The following CFAP299 variants were observed in gnomAD, a reference collection of about 807,000 sequenced individuals.
CFAP299 encodes cilia and flagella associated protein 299.
CFAP299 carries 21 observed loss-of-function variants against 27.0 expected under a neutral mutation model. That is an observed-to-expected ratio of 0.78 (90% CI 0.55 to 1.12). CFAP299 has a LOEUF of 1.12. CFAP299 is among the 50% of genes most tolerant of loss of function. CFAP299 has a pLI of 0.00. For synonymous variants in CFAP299, 104 were observed against 98.1 expected, an observed-to-expected ratio of 1.06 and a Z score of -0.36; for missense variants, 310 against 276.6, an observed-to-expected ratio of 1.12 and a Z score of -0.86.
intron 4 of CFAP299, among the ~76,000 whole-genome samples, chr4:80,883,232 T>C (rs1201274057): frequency 2.0e-5 from 3 of 152,118 alleles, no homozygotes; most frequent in Admixed American, 1.3e-4. Context: ...AATGGACTGT[T>C]ATAACTAAAG....
intron 3 of CFAP299, among the ~76,000 whole-genome samples, chr4:80,861,310 T>C (rs1308829991): frequency 1.3e-5 from 2 of 152,212 alleles, no homozygotes; most frequent in Non-Finnish European, 2.9e-5. Context: ...AGGTGCTGTC[T>C]GTCACCCCTT....
At chr4:80,334,840 A>T (rs1371304956), upstream of CFAP299, among the ~76,000 whole-genome samples, 1 of 152,244 alleles carries the variant, frequency 6.6e-6, no homozygotes, top group Non-Finnish European at 1.5e-5. Flanking sequence ...AGATGTTTTC[A>T]TTAAAATTTT....
At chr4:80,605,653 A>G (rs1338458599) in intron 3 of CFAP299, among the ~76,000 whole-genome samples, 1 of 152,222 alleles carries the variant, frequency 6.6e-6, no homozygotes, top group East Asian at 1.9e-4. Flanking sequence ...TGTTTTTATA[A>G]GAATAAAATA....
At chr4:80,683,502 AT>A (rs1428115497) in intron 3 of CFAP299, among the ~76,000 whole-genome samples, 6 of 152,322 alleles carry the variant, frequency 3.9e-5, no homozygotes, top group African/African-American at 1.2e-4. Flanking sequence ...CCTGGAAAAT[AT>A]CTATCTTCTT....
chr4:80,495,046 C>G (rs948177549), intron 2 of CFAP299, among the ~76,000 whole-genome samples: 1 of 152,160 alleles, frequency 6.6e-6, no homozygotes, highest in Non-Finnish European at 1.5e-5. Context: ...AGATATATAA[C>G]CATTTCACTA....
At chr4:80,928,268 C>A (rs1365079094) in intron 4 of CFAP299, among the ~76,000 whole-genome samples, 1 of 152,084 alleles carries the variant, frequency 6.6e-6, no homozygotes, top group Non-Finnish European at 1.5e-5. Flanking sequence ...AGTGTCTGAG[C>A]CTGAAAGAGT....
chr4:80,477,321 C>T (rs995712029), intron 2 of CFAP299, among the ~76,000 whole-genome samples: 9 of 152,266 alleles, frequency 5.9e-5, no homozygotes, highest in Non-Finnish European at 8.8e-5. Context: ...CTCAGCCTCC[C>T]TAGTGTTGGG....
rs371484473 is a variant in CFAP299 at position 80,691,448 on chromosome 4, G to A, written c.333+108265G>A. Among the ~76,000 whole-genome samples, 21 of 151,838 alleles carry A rather than the reference G, an allele frequency of 1.4e-4. No individual in the cohort carries two copies. The Middle Eastern group carries it at 0.014, about 98-fold the overall frequency. On this transcript the variant is annotated intron_variant, in intron 3 of 5. Coordinates refer to ENST00000358105, the MANE Select transcript of CFAP299 (RefSeq NM_152770.3). ...ACAGAACCAAAGACAAAAACCACAT[G>A]ATTATCTCAATAGATGCAGAAAAGG...
chr4:80,946,084 C>G (rs1404042757), intron 5 of CFAP299, among the ~76,000 whole-genome samples: 1 of 140,448 alleles, frequency 7.1e-6, no homozygotes, highest in East Asian at 2.1e-4. Context: ...ACCTGAGAGG[C>G]AGAACTCCGT....
intron 3 of CFAP299, among the ~76,000 whole-genome samples, chr4:80,684,280 G>C (rs1013928338): frequency 1.1e-4 from 16 of 151,408 alleles, no homozygotes; most frequent in African/African-American, 2.9e-4. Context: ...TTTTTGGGGG[G>C]GGGGGACGGA....
At chr4:80,715,210 G>T (rs1722409445) in intron 3 of CFAP299, among the ~76,000 whole-genome samples, 1 of 152,046 alleles carries the variant, frequency 6.6e-6, no homozygotes, top group Admixed American at 6.6e-5. Flanking sequence ...GGTGTTTGAA[G>T]TTCACTATAT....
intron 4 of CFAP299, among the ~76,000 whole-genome samples, chr4:80,887,070 C>T (rs781125307): frequency 2.0e-5 from 3 of 151,842 alleles, no homozygotes; most frequent in Non-Finnish European, 4.4e-5. Flanking sequence ...ATGAAGCATA[C>T]CCATGGAATC....
intron 3 of CFAP299, among the ~76,000 whole-genome samples, chr4:80,622,179 G>A (rs887121349): frequency 5.9e-5 from 9 of 152,052 alleles, no homozygotes; most frequent in African/African-American, 2.2e-4. Flanking sequence ...TAATTTTTCT[G>A]ATCATGAGAG....
chr4:80,339,863 G>C (rs1400727225), intron 1 of CFAP299, among the ~76,000 whole-genome samples: 1 of 152,106 alleles, frequency 6.6e-6, no homozygotes, highest in Non-Finnish European at 1.5e-5. Flanking sequence ...AAAAATAAAA[G>C]TCCTAATTAA....
intron 3 of CFAP299, among the ~76,000 whole-genome samples, chr4:80,615,374 A>G (rs914001951): frequency 6.6e-6 from 1 of 152,122 alleles, no homozygotes; most frequent in Non-Finnish European, 1.5e-5. Flanking sequence ...TACTTTTTCT[A>G]ATATTTGTGT....
At chr4:80,386,481 C>A in intron 2 of CFAP299, 1 of 1,542,796 alleles carries the variant, frequency 6.5e-7, no homozygotes. Context: ...GCCGCCACGG[C>A]GCGGGGCTGC....
chr4:80,898,981 G>T (rs116398335), intron 4 of CFAP299, among the ~76,000 whole-genome samples: 4,536 of 152,264 alleles, frequency 0.03, 182 homozygotes, highest in African/African-American at 0.091. Flanking sequence ...ATAAGGAAAA[G>T]ATTATTTTAG....
chr4:80,962,219 G>A (rs890052390), intron 5 of CFAP299, among the ~76,000 whole-genome samples: 1 of 151,880 alleles, frequency 6.6e-6, no homozygotes, highest in African/African-American at 2.4e-5. Context: ...CTCTCATGCA[G>A]CTATAACATA....
At chr4:80,676,282 C>G (rs182845785) in intron 3 of CFAP299, among the ~76,000 whole-genome samples, 1 of 152,128 alleles carries the variant, frequency 6.6e-6, no homozygotes, top group African/African-American at 2.4e-5. Flanking sequence ...TTTGAACCAT[C>G]CTTGCATTTC....
Sources: gnomAD v4.1 joint callset for allele counts (sites outside exome capture counted in the v4.1 genomes callset) on GRCh38, gnomAD v4.1.1 for gene constraint, MANE v1.5 for transcripts, NCBI Gene and HGNC (gene_info 2026-07-23, HGNC 2026-07-21) for gene names.